ERBB4: variants seen among roughly 807,000 people sequenced by gnomAD.
The protein encoded by ERBB4 is erb-b2 receptor tyrosine kinase 4.
ERBB4 carries 42 observed loss-of-function variants against 158.0 expected under a neutral mutation model. The observed-to-expected ratio is 0.27, with a 90% CI of 0.21 to 0.34. ERBB4 has a LOEUF of 0.34. Among genes scored for constraint, ERBB4 ranks in the 10% least tolerant of loss-of-function variants. ERBB4 has a pLI of 1.00. For missense variants in ERBB4, 1,333 were observed against 1,624.1 expected (o/e 0.82, Z 3.08); for synonymous variants, 583 against 558.7 (o/e 1.04, Z -0.61).
intron 20 of ERBB4, among the ~76,000 whole-genome samples, chr2:211,536,291 G>T (rs1406383988): frequency 6.6e-6 from 1 of 152,050 alleles, no homozygotes; most frequent in Non-Finnish European, 1.5e-5. Flanking sequence ...TACCATGTCT[G>T]AATCTAAAAT....
In ERBB4 at chr2:211,379,086, C is replaced by T. The variant is rs967508149; in HGVS notation, c.*4529G>A. 16 of 231,046 alleles carry T rather than the reference C, an allele frequency of 6.9e-5. No individual in the cohort carries two copies. The highest frequency in any genetic ancestry group is 1.1e-4 in the Admixed American group (2 of 17,686). The allele number at this position is 231,046 out of a possible 1,614,324, so 14.3% of individuals were successfully genotyped here. ...AGAATGGCAATGCAATAGTTTGAAA[C>T]GCTTGGTTTAGCATTTATTTATCAG... On this transcript the variant is annotated 3_prime_UTR_variant, in exon 28 of 28. Transcript: ENST00000342788.
Position 212,196,264 on chromosome 2 carries a change from A to G in ERBB4, c.83-71361T>C, listed in dbSNP as rs571460023. On this transcript the variant is annotated intron_variant, in intron 1 of 27. Coordinates refer to ENST00000342788, the MANE Select transcript of ERBB4 (RefSeq NM_005235.3). ...AGACAGCCAGAGAAAAGAAAATGTT[A>G]TTAAGAAAATGATAAGGAAGATAAA... Among the ~76,000 whole-genome samples the G allele has an allele frequency of 2.6e-5, 4 of 152,306 alleles. No homozygotes were observed. In the South Asian group the frequency reaches 6.2e-4, roughly 24 times the overall value.
At chr2:211,751,373 G>A (rs373762607) in intron 4 of ERBB4, among the ~76,000 whole-genome samples, 19 of 151,964 alleles carry the variant, frequency 1.3e-4, no homozygotes, top group African/African-American at 9.7e-5. Context: ...AATTCCCATC[G>A]GGACTGAAAA....
chr2:211,729,986 G>C (rs1222420776), intron 5 of ERBB4, among the ~76,000 whole-genome samples: 1 of 151,786 alleles, frequency 6.6e-6, no homozygotes, highest in Non-Finnish European at 1.5e-5. Context: ...ACTTGACATG[G>C]GGAATGTGAA....
At chr2:212,039,309 A>G (rs957282179) in intron 2 of ERBB4, among the ~76,000 whole-genome samples, 2 of 152,068 alleles carry the variant, frequency 1.3e-5, no homozygotes, top group African/African-American at 4.8e-5. Context: ...GAATCATAAA[A>G]TTTTCTTTGA....
chr2:211,443,038 G>A (rs922905406), intron 20 of ERBB4, among the ~76,000 whole-genome samples: 24 of 151,764 alleles, frequency 1.6e-4, no homozygotes, highest in African/African-American at 5.6e-4. Context: ...AATAATAGTC[G>A]ATTGATTGAT....
intron 1 of ERBB4, among the ~76,000 whole-genome samples, chr2:212,254,919 T>A (rs2084670973): frequency 1.3e-5 from 2 of 152,104 alleles, no homozygotes; most frequent in Admixed American, 6.6e-5. Context: ...TCTGAGAAAG[T>A]CTAACTTTTT....
At position 211,464,283 on chromosome 2, in the gene ERBB4, C is replaced by T. The variant is rs567359269; in HGVS notation, c.2488-33183G>A. ...GCCTAGAACATACATAATAGGCACT[C>T]GCCAAATATTTATTGGGCATATGAA... is the stretch of plus-strand genomic sequence containing the variant. On this transcript the variant is annotated intron_variant, in intron 20 of 27. Transcript: ENST00000342788. Among the ~76,000 whole-genome samples the T allele has an allele frequency of 5.3e-5, 8 of 152,304 alleles. No homozygotes were observed. In the South Asian group the frequency reaches 1.0e-3, roughly 20 times the overall value.
At chr2:212,487,310 C>T (rs1009494957) in intron 1 of ERBB4, among the ~76,000 whole-genome samples, 3 of 152,094 alleles carry the variant, frequency 2.0e-5, no homozygotes, top group African/African-American at 7.2e-5. Flanking sequence ...TTTTCCATTT[C>T]TATTTCCCTG....
chr2:211,799,839 C>A (rs974786217), intron 3 of ERBB4, among the ~76,000 whole-genome samples: 2 of 152,100 alleles, frequency 1.3e-5, no homozygotes, highest in African/African-American at 4.8e-5. Context: ...TTCTATCCTG[C>A]TTGATGATTT....
At chr2:211,828,772 C>T (rs149071535) in intron 3 of ERBB4, among the ~76,000 whole-genome samples, 2 of 152,206 alleles carry the variant, frequency 1.3e-5, no homozygotes, top group Non-Finnish European at 2.9e-5. Flanking sequence ...AGAGTCTGGA[C>T]TTACTTCTCA....
chr2:211,586,510 T>C (rs962883078), intron 19 of ERBB4, among the ~76,000 whole-genome samples: 4 of 152,202 alleles, frequency 2.6e-5, no homozygotes, highest in Admixed American at 2.0e-4. Context: ...TGCCATATCT[T>C]GTAGTGGGAA....
rs528663254 is a variant in ERBB4, at chr2:211,381,811, C to T, written c.*1804G>A. On this transcript the variant is annotated 3_prime_UTR_variant, in exon 28 of 28. Transcript: ENST00000342788. ...TATACTATTGATTCTAATTTGGTCCCAATATTTTAACATTAGAAATATTTT... is the reference window on the plus strand; with the variant it reads ...TATACTATTGATTCTAATTTGGTCCTAATATTTTAACATTAGAAATATTTT... 3.1e-5 allele frequency: 7 copies of T among 228,738 alleles called. No homozygotes were observed. The highest frequency in any genetic ancestry group is 1.1e-4 in the African/African-American group (5 of 45,104). The allele number at this position is 228,738 out of a possible 1,614,324, so 14.2% of individuals were successfully genotyped here.
At chr2:212,521,325 A>C (rs1692148231) in intron 1 of ERBB4, among the ~76,000 whole-genome samples, 1 of 151,868 alleles carries the variant, frequency 6.6e-6, no homozygotes, top group South Asian at 2.1e-4. Context: ...GAAGAAAAAA[A>C]GGATTTGAGA....
chr2:211,425,633 T>C (rs927313524), intron 22 of ERBB4, among the ~76,000 whole-genome samples: 18 of 151,742 alleles, frequency 1.2e-4, no homozygotes, highest in African/African-American at 3.9e-4. Flanking sequence ...TATATATATA[T>C]GTTTTATATT....
chr2:211,462,882 C>G (rs2064573476), intron 20 of ERBB4, among the ~76,000 whole-genome samples: 1 of 152,114 alleles, frequency 6.6e-6, no homozygotes, highest in Non-Finnish European at 1.5e-5. Flanking sequence ...CAACCTCAAG[C>G]TATACTTTAT....
At chr2:211,797,217 C>G (rs950094490) in intron 3 of ERBB4, among the ~76,000 whole-genome samples, 1 of 151,804 alleles carries the variant, frequency 6.6e-6, no homozygotes, top group Admixed American at 6.6e-5. Flanking sequence ...AATGTAATTG[C>G]TTCAGTAGAA....
chr2:211,384,184 T>C, intron 27 of ERBB4, 124 bp from the exon 28 acceptor site: 1 of 703,286 alleles, frequency 1.4e-6, no homozygotes, highest in South Asian at 1.8e-5. Flanking sequence ...GTTTTCATGA[T>C]TTCTCACAAC....
intron 2 of ERBB4, among the ~76,000 whole-genome samples, chr2:212,009,256 A>G (rs545377948): frequency 1.1e-4 from 16 of 152,154 alleles, no homozygotes; most frequent in African/African-American, 3.6e-4. Flanking sequence ...TTAAGATGAA[A>G]TCATCCCAGA....
Sources: allele counts gnomAD v4.1 joint callset (sites outside exome capture counted in the v4.1 genomes callset), GRCh38; gene constraint gnomAD v4.1.1; transcripts MANE v1.5; gene names NCBI Gene and HGNC (gene_info 2026-07-23, HGNC 2026-07-21).